TENM1: variants seen among roughly 807,000 people sequenced by gnomAD.
TENM1 encodes the protein teneurin transmembrane protein 1.
A neutral mutation model predicts 174.8 loss-of-function variants in TENM1; 35 were observed. The ratio of observed to expected loss-of-function variants is 0.20; its 90% CI spans 0.15 to 0.27. TENM1 has a LOEUF of 0.27. Among genes scored for constraint, TENM1 ranks in the 10% least tolerant of loss-of-function variants. The pLI, the probability that TENM1 is intolerant of heterozygous loss-of-function variation, is 1.00. For synonymous variants in TENM1, 781 were observed against 798.7 expected, an observed-to-expected ratio of 0.98 and a Z score of 0.37; for missense variants, 1,633 against 2,130.1, an observed-to-expected ratio of 0.77 and a Z score of 4.59.
At chrX:125,075,762 G>A in the TENM1 span, among the ~76,000 whole-genome samples, 4 of 111,228 alleles carry the variant, frequency 3.6e-5, no homozygotes, top group African/African-American at 9.8e-5. Flanking sequence ...ATCAGAGCCT[G>A]CATTTTAACC....
chrX:124,681,942 A>C (rs2052245897), intron 5 of TENM1, among the ~76,000 whole-genome samples: 1 of 111,850 alleles, frequency 8.9e-6, no homozygotes, highest in South Asian at 3.7e-4. Context: ...TCATTGACTC[A>C]TTGAATTCTC....
At chrX:124,586,124 A>T (rs1279772380) in intron 11 of TENM1, among the ~76,000 whole-genome samples, 4 of 110,125 alleles carry the variant, frequency 3.6e-5, no homozygotes, top group Non-Finnish European at 7.6e-5. Context: ...AGGAACTGGT[A>T]CCATTCCTTC....
chrX:125,101,762 T>G, the TENM1 span, among the ~76,000 whole-genome samples: 1 of 112,208 alleles, frequency 8.9e-6, no homozygotes, highest in African/African-American at 3.2e-5. Flanking sequence ...CAAAGGCTTT[T>G]TATTTTTTCT....
chrX:124,439,237 A>G (rs960815691), intron 23 of TENM1, among the ~76,000 whole-genome samples: 3 of 111,480 alleles, frequency 2.7e-5, no homozygotes, highest in African/African-American at 9.8e-5. Flanking sequence ...TTTCTTATGT[A>G]CTCTAATATT....
the TENM1 span, among the ~76,000 whole-genome samples, chrX:125,160,158 A>T: frequency 9.6e-6 from 1 of 104,384 alleles, no homozygotes; most frequent in African/African-American, 3.5e-5. Flanking sequence ...TGAGATCACC[A>T]CTACTGCACT....
At chrX:125,073,279 G>A in the TENM1 span, among the ~76,000 whole-genome samples, 10 of 110,889 alleles carry the variant, frequency 9.0e-5, no homozygotes, top group East Asian at 5.7e-4. Context: ...CTTTGGGGAC[G>A]CGGGATACAT....
chrX:124,859,686 AT>A (rs765658145), intron 3 of TENM1, among the ~76,000 whole-genome samples: 1 of 111,964 alleles, frequency 8.9e-6, no homozygotes, highest in Non-Finnish European at 1.9e-5. Flanking sequence ...TTTAAGTCAT[AT>A]TCATAATGCA....
chrX:124,432,392 T>A (rs1439770811), intron 23 of TENM1, among the ~76,000 whole-genome samples: 3 of 57,471 alleles, frequency 5.2e-5, no homozygotes, highest in Non-Finnish European at 1.2e-4. Context: ...ACACTCCCAG[T>A]TTATTTATTT....
At chrX:124,931,098 C>T (rs1326151635) in intron 1 of TENM1, among the ~76,000 whole-genome samples, 1 of 108,312 alleles carries the variant, frequency 9.2e-6, no homozygotes, top group Non-Finnish European at 1.9e-5. Context: ...AGAAACCCAA[C>T]GCTGTCAGAG....
chrX:125,006,672 C>G, the TENM1 span, among the ~76,000 whole-genome samples: 1 of 111,633 alleles, frequency 9.0e-6, no homozygotes, highest in African/African-American at 3.3e-5. Flanking sequence ...AAGGTAAGAG[C>G]AGACCACAAT....
intron 3 of TENM1, among the ~76,000 whole-genome samples, chrX:124,773,186 AT>A (rs2054699180): frequency 8.9e-6 from 1 of 111,758 alleles, no homozygotes; most frequent in Admixed American, 9.5e-5. Flanking sequence ...CTGCCTAAGC[AT>A]GCCTGTGACC....
At chrX:124,613,348 G>C (rs2050321911) in intron 11 of TENM1, among the ~76,000 whole-genome samples, 1 of 110,968 alleles carries the variant, frequency 9.0e-6, no homozygotes, top group African/African-American at 3.3e-5. Context: ...GACAACTGCT[G>C]ATCGCATTGT....
chrX:125,170,477 T>C, the TENM1 span, among the ~76,000 whole-genome samples: 1 of 111,623 alleles, frequency 9.0e-6, no homozygotes, highest in African/African-American at 3.3e-5. Context: ...TTCAGGGGTT[T>C]CCTCCCCTAT....
At chrX:125,081,790 C>T in the TENM1 span, among the ~76,000 whole-genome samples, 38 of 111,459 alleles carry the variant, frequency 3.4e-4, no homozygotes, top group South Asian at 7.4e-4. Context: ...GGTACATACA[C>T]ACTACGGAAT....
At chrX:124,729,709 G>C (rs2053520431) in intron 4 of TENM1, among the ~76,000 whole-genome samples, 1 of 112,227 alleles carries the variant, frequency 8.9e-6, no homozygotes, top group Non-Finnish European at 1.9e-5. Flanking sequence ...TTGTTTTTCT[G>C]AATAACACAG....
intron 1 of TENM1, among the ~76,000 whole-genome samples, chrX:124,955,797 GCACACACACACACA>G (rs376755403): frequency 7.7e-5 from 7 of 91,254 alleles, no homozygotes; most frequent in East Asian, 6.5e-4. Flanking sequence ...ACACGCGCAC[GCACACACACACACA>G]CACACACACA....
intron 11 of TENM1, among the ~76,000 whole-genome samples, chrX:124,567,451 A>G (rs115415649): frequency 0.011 from 1,237 of 112,094 alleles, 14 homozygotes; most frequent in African/African-American, 0.038. Flanking sequence ...GGAGTGTTTA[A>G]CTACATCTAA....
At chrX:124,687,506 G>A (rs1312633240) in intron 5 of TENM1, among the ~76,000 whole-genome samples, 1 of 111,944 alleles carries the variant, frequency 8.9e-6, no homozygotes, top group Non-Finnish European at 1.9e-5. Flanking sequence ...ATACCATTCA[G>A]GACATAGGCA....
At chrX:124,789,870 GT>G (rs2055137959) in intron 3 of TENM1, among the ~76,000 whole-genome samples, 1 of 111,417 alleles carries the variant, frequency 9.0e-6, no homozygotes, top group Non-Finnish European at 1.9e-5. Flanking sequence ...ACATTTTTAG[GT>G]ATTTTTTTCA....
Sources: allele counts gnomAD v4.1 joint callset (sites outside exome capture counted in the v4.1 genomes callset), GRCh38; gene constraint gnomAD v4.1.1; transcripts MANE v1.5; gene names NCBI Gene and HGNC (gene_info 2026-07-23, HGNC 2026-07-21).